ASTN2: variants seen among roughly 807,000 people sequenced by gnomAD.
ASTN2 encodes the protein astrotactin-2.
Under a neutral mutation model 139.8 loss-of-function variants are expected in ASTN2, and 54 were observed. The ratio of observed to expected loss-of-function variants is 0.39; its 90% CI spans 0.31 to 0.48. The LOEUF (loss-of-function observed/expected upper bound fraction) is 0.48, where lower values mean the gene tolerates loss of function less well. ASTN2 is among the 20% of genes least tolerant of loss of function. The pLI is 0.95. For missense variants in ASTN2, 1,565 were observed against 1,725.1 expected (o/e 0.91, Z 1.64); for synonymous variants, 756 against 719.5 (o/e 1.05, Z -0.81).
rs186679715 is a variant in ASTN2, at chr9:117,276,550, G to A, written c.630+14776C>T. Reference sequence around the variant, plus strand: ...ATTAAGGAAAGCTGAGACAGGGCAGGCCTCTGGACACTTCATTAGGGGAAC... The same window carrying A: ...ATTAAGGAAAGCTGAGACAGGGCAGACCTCTGGACACTTCATTAGGGGAAC... On this transcript the variant is annotated intron_variant, in intron 2 of 22. Transcript: ENST00000313400. 3.6e-4 allele frequency among the ~76,000 whole-genome samples: 55 copies of A among 152,338 alleles called. No individual in the cohort carries two copies. In the South Asian group the frequency reaches 7.9e-3, roughly 22 times the overall value.
chr9:117,093,159 G>C (rs1057424677), intron 5 of ASTN2, among the ~76,000 whole-genome samples: 3 of 152,120 alleles, frequency 2.0e-5, no homozygotes, highest in Non-Finnish European at 2.9e-5. Flanking sequence ...TTGAAAAACA[G>C]AGATCTGGAT....
chr9:116,763,683 G>T (rs529151797), intron 13 of ASTN2, among the ~76,000 whole-genome samples: 1 of 152,292 alleles, frequency 6.6e-6, no homozygotes, highest in East Asian at 1.9e-4. Flanking sequence ...ACCTCTCTGA[G>T]TTTGTTTCTT....
intron 1 of ASTN2, among the ~76,000 whole-genome samples, chr9:117,319,543 T>G (rs1294848415): frequency 1.3e-5 from 2 of 151,704 alleles, no homozygotes; most frequent in Non-Finnish European, 2.9e-5. Flanking sequence ...TTCTCATGCC[T>G]CAGCCTCCAG....
intron 3 of ASTN2, among the ~76,000 whole-genome samples, chr9:117,210,981 C>CG (rs1554791388): frequency 7.3e-6 from 1 of 137,034 alleles, no homozygotes; most frequent in Non-Finnish European, 1.6e-5. Flanking sequence ...CATCTCAAAG[C>CG]AAAAAAAAAA....
chr9:116,985,634 C>A (rs956176774), intron 7 of ASTN2, among the ~76,000 whole-genome samples: 1 of 152,234 alleles, frequency 6.6e-6, no homozygotes, highest in African/African-American at 2.4e-5. Context: ...CAAAGAGCTT[C>A]CCGCAAAATC....
chr9:116,749,032 C>A (rs1355972172), intron 13 of ASTN2, among the ~76,000 whole-genome samples: 1 of 152,032 alleles, frequency 6.6e-6, no homozygotes, highest in Non-Finnish European at 1.5e-5. Flanking sequence ...CCTGGTCCGC[C>A]CCCCGTCCCC....
chr9:116,883,923 AAC>A (rs1315937327), intron 10 of ASTN2, among the ~76,000 whole-genome samples: 1 of 152,162 alleles, frequency 6.6e-6, no homozygotes, highest in African/African-American at 2.4e-5. Context: ...GGCTTTTGAG[AAC>A]AGTGTTGAGT....
intron 12 of ASTN2, among the ~76,000 whole-genome samples, chr9:116,811,620 C>T (rs1831170326): frequency 1.3e-5 from 2 of 152,172 alleles, no homozygotes; most frequent in Admixed American, 1.3e-4. Context: ...TTGATCAAGT[C>T]TGCTAATTTC....
chr9:116,592,872 C>T (rs1322973179), intron 19 of ASTN2, among the ~76,000 whole-genome samples: 1 of 152,196 alleles, frequency 6.6e-6, no homozygotes, highest in East Asian at 1.9e-4. Flanking sequence ...GATCTTTTCC[C>T]TTCATAATGT....
At chr9:116,601,297 A>G (rs901256111) in intron 19 of ASTN2, among the ~76,000 whole-genome samples, 15 of 152,236 alleles carry the variant, frequency 9.9e-5, no homozygotes, top group Non-Finnish European at 1.5e-5. Flanking sequence ...TCTGGAAGTT[A>G]GAAGAGTTAT....
At chr9:116,459,049 G>A (rs972622662) in intron 20 of ASTN2, among the ~76,000 whole-genome samples, 1 of 152,036 alleles carries the variant, frequency 6.6e-6, no homozygotes. Flanking sequence ...ACACCAGTAT[G>A]AGGACAGATG....
In ASTN2 at chr9:117,214,653, G is replaced by T; in HGVS notation, c.720C>A (p.Pro240=). 6.4e-7 allele frequency: 1 copy of T among 1,557,978 alleles called. No individual in the cohort carries two copies. Among genetic ancestry groups the T allele is most frequent in the Non-Finnish European group, 8.7e-7 (1 of 1,144,196 alleles). ...TGGCTTCTGTGCTTGCGCTCTTCTGGGGGATGCGGCGACGCTTCTGCCAAC... is the reference window on the plus strand; with the variant it reads ...TGGCTTCTGTGCTTGCGCTCTTCTGTGGGATGCGGCGACGCTTCTGCCAAC... ...QRRWQKRRRI[P]QKSASTEATH... is the part of the protein sequence containing the mutation. The change falls in exon 3 of 23, where the codon CCC becomes CCA. Residue 240 remains proline, a synonymous_variant. Coordinates refer to ENST00000313400, the MANE Select transcript of ASTN2 (RefSeq NM_001365068.1).
intron 22 of ASTN2, among the ~76,000 whole-genome samples, chr9:116,438,210 C>G (rs1015319510): frequency 6.6e-6 from 1 of 152,226 alleles, no homozygotes; most frequent in African/African-American, 2.4e-5. Flanking sequence ...ACTATTATCA[C>G]AACAGCCTCT....
chr9:117,378,768 A>G (rs1199962542), intron 1 of ASTN2, among the ~76,000 whole-genome samples: 3 of 152,136 alleles, frequency 2.0e-5, no homozygotes, highest in Admixed American at 6.5e-5. Context: ...GGAAAAGTAA[A>G]TATGTCTTAG....
At position 117,059,607 on chromosome 9, in the gene ASTN2, TG is replaced by T. The variant is rs929359942; in HGVS notation, c.1277-19643del. Among the ~76,000 whole-genome samples, 12 of 152,174 alleles carry T rather than the reference TG, an allele frequency of 7.9e-5. No individual in the cohort carries two copies. The East Asian group carries it at 1.7e-3, about 22-fold the overall frequency. On this transcript the variant is annotated intron_variant, in intron 5 of 22. Transcript: ENST00000313400. ...CAGCTTGGGTGACAAAGAGAGATTA[TG>T]TTTTTTTATTATTACTATTAAAAAA...
At chr9:116,912,029 T>A (rs1834326472) in intron 10 of ASTN2, among the ~76,000 whole-genome samples, 1 of 152,230 alleles carries the variant, frequency 6.6e-6, no homozygotes, top group Admixed American at 6.5e-5. Context: ...TCCCTGGCAT[T>A]CTAACTCCAG....
intron 19 of ASTN2, among the ~76,000 whole-genome samples, chr9:116,510,886 C>T (rs1440292651): frequency 6.6e-6 from 1 of 152,128 alleles, no homozygotes; most frequent in African/African-American, 2.4e-5. Flanking sequence ...TGCTTATCAG[C>T]TTAAGGAGAT....
intron 20 of ASTN2, among the ~76,000 whole-genome samples, chr9:116,480,396 T>C (rs1849129137): frequency 6.6e-6 from 1 of 152,186 alleles, no homozygotes; most frequent in South Asian, 2.1e-4. Flanking sequence ...GAGAAGTCAG[T>C]GTCTACAGAA....
chr9:117,096,248 C>A (rs1828839069), intron 4 of ASTN2, 97 bp from the exon 5 acceptor site: 2 of 960,706 alleles, frequency 2.1e-6, no homozygotes, highest in Non-Finnish European at 3.2e-6. Context: ...CATCCCCAGA[C>A]TTTTCTCTGT....
Sources: gnomAD v4.1 joint callset for allele counts (sites outside exome capture counted in the v4.1 genomes callset) on GRCh38, gnomAD v4.1.1 for gene constraint, MANE v1.5 for transcripts, NCBI Gene and HGNC (gene_info 2026-07-23, HGNC 2026-07-21) for gene names.